FGGY: variants seen among roughly 807,000 people sequenced by gnomAD.
The protein encoded by FGGY is FGGY carbohydrate kinase domain containing.
Under a neutral mutation model 71.3 loss-of-function variants are expected in FGGY, and 72 were observed. The observed-to-expected ratio is 1.01, with a 90% CI of 0.84 to 1.23. The LOEUF (loss-of-function observed/expected upper bound fraction) is 1.23. FGGY is among the 50% of genes most tolerant of loss of function. The pLI, the probability that FGGY is intolerant of heterozygous loss-of-function variation, is 0.00. For missense variants in FGGY, 668 were observed against 682.3 expected (o/e 0.98, Z 0.23); for synonymous variants, 251 against 250.3 (o/e 1.00, Z -0.02).
chr1:59,511,145 A>C (rs2153629450), intron 6 of FGGY, among the ~76,000 whole-genome samples: 1 of 152,238 alleles, frequency 6.6e-6, no homozygotes, highest in South Asian at 2.1e-4. Context: ...TGTAGATAGA[A>C]GCTCTTAAAA....
At chr1:59,685,863 T>C (rs1016373891) in intron 14 of FGGY, among the ~76,000 whole-genome samples, 4 of 152,150 alleles carry the variant, frequency 2.6e-5, no homozygotes, top group Non-Finnish European at 5.9e-5. Flanking sequence ...AGCAATCCCC[T>C]AGGGGGTTAC....
chr1:59,704,116 C>T (rs1419792535), intron 14 of FGGY, among the ~76,000 whole-genome samples: 2 of 152,114 alleles, frequency 1.3e-5, no homozygotes, highest in Non-Finnish European at 1.5e-5. Context: ...TATGTGCGCA[C>T]ATGTTCAGAT....
chr1:59,698,901 G>A, intron 14 of FGGY: 2 of 985,364 alleles, frequency 2.0e-6, no homozygotes, highest in Non-Finnish European at 1.2e-6. Flanking sequence ...GTTTTATGTG[G>A]CACTGATTCC....
chr1:59,591,312 A>G (rs965928706), intron 8 of FGGY, among the ~76,000 whole-genome samples: 4 of 152,214 alleles, frequency 2.6e-5, no homozygotes, highest in African/African-American at 7.2e-5. Flanking sequence ...ATGGAAGAAC[A>G]TTCCATGCTC....
chr1:59,687,364 C>A (rs2097551872), intron 14 of FGGY, among the ~76,000 whole-genome samples: 1 of 152,208 alleles, frequency 6.6e-6, no homozygotes, highest in Non-Finnish European at 1.5e-5. Flanking sequence ...CTCCTGTCAT[C>A]CCTTGATTCC....
chr1:59,638,739 C>T (rs1217084809), intron 11 of FGGY, among the ~76,000 whole-genome samples: 1 of 152,200 alleles, frequency 6.6e-6, no homozygotes, highest in East Asian at 1.9e-4. Context: ...ATATTACCAC[C>T]CATGGTCTTG....
chr1:59,526,684 G>A (rs561880863), intron 7 of FGGY, among the ~76,000 whole-genome samples: 1 of 152,314 alleles, frequency 6.6e-6, no homozygotes, highest in South Asian at 2.1e-4. Context: ...GCTCAGGGAC[G>A]TTAAAATGCC....
At chr1:59,369,284 G>C (rs571639017) in intron 4 of FGGY, among the ~76,000 whole-genome samples, 2 of 151,640 alleles carry the variant, frequency 1.3e-5, no homozygotes, top group South Asian at 2.1e-4. Context: ...TCGGAGGGTC[G>C]TACGCCCACG....
intron 3 of FGGY, among the ~76,000 whole-genome samples, chr1:59,345,747 T>G (rs766720310): frequency 6.6e-6 from 1 of 152,038 alleles, no homozygotes; most frequent in Non-Finnish European, 1.5e-5. Context: ...TAAACTAATT[T>G]TAATTAAAGT....
chr1:59,450,709 AT>A lies in FGGY; in HGVS notation c.555-6249del, dbSNP rs1175487514. ...AATTTTAGAAGCTCTTGTTTCATAT[AT>A]TTCATACTACATTGTTTGGTTCATA... is the stretch of plus-strand genomic sequence containing the variant. On this transcript the variant is annotated intron_variant, in intron 5 of 15. Coordinates refer to ENST00000303721, the MANE Select transcript of FGGY (RefSeq NM_018291.5). Among the ~76,000 whole-genome samples, 14 of 152,182 alleles carry A rather than the reference AT, an allele frequency of 9.2e-5. No individual in the cohort carries two copies. In the East Asian group the frequency reaches 2.3e-3, roughly 25 times the overall value.
intron 6 of FGGY, among the ~76,000 whole-genome samples, chr1:59,487,610 G>C (rs2093693704): frequency 1.3e-5 from 2 of 152,154 alleles, no homozygotes; most frequent in Admixed American, 1.3e-4. Flanking sequence ...AGTTGCTGAG[G>C]CACTCAGTTA....
At chr1:59,321,904 A>G (rs1281462128) in intron 2 of FGGY, among the ~76,000 whole-genome samples, 154 bp downstream of exon 2, 1 of 152,252 alleles carries the variant, frequency 6.6e-6, no homozygotes, top group Non-Finnish European at 1.5e-5. Context: ...GTCTACTGGC[A>G]GAGACTGATA....
intron 6 of FGGY, among the ~76,000 whole-genome samples, chr1:59,499,657 T>C (rs1181828071): frequency 6.6e-6 from 1 of 152,198 alleles, no homozygotes; most frequent in Non-Finnish European, 1.5e-5. Context: ...AACATAGTCG[T>C]ATTCCATTTC....
chr1:59,537,795 T>A (rs2095357756), intron 7 of FGGY, among the ~76,000 whole-genome samples: 4 of 152,164 alleles, frequency 2.6e-5, no homozygotes, highest in African/African-American at 9.7e-5. Context: ...GCTAGCCATA[T>A]GGAGAAAGCT....
chr1:59,627,909 C>T (rs942057567), intron 10 of FGGY, among the ~76,000 whole-genome samples: 12 of 151,984 alleles, frequency 7.9e-5, no homozygotes, highest in Admixed American at 6.6e-4. Flanking sequence ...AGGAAATAAA[C>T]GAGGACGAAA....
chr1:59,476,318 A>G (rs370670509), intron 6 of FGGY, among the ~76,000 whole-genome samples: 1 of 152,246 alleles, frequency 6.6e-6, no homozygotes, highest in Non-Finnish European at 1.5e-5. Flanking sequence ...TAACTCGTTT[A>G]ATGCCTTTAA....
chr1:59,410,452 T>G (rs997193602), intron 5 of FGGY, among the ~76,000 whole-genome samples: 4 of 152,188 alleles, frequency 2.6e-5, no homozygotes, highest in Admixed American at 1.3e-4. Context: ...GATTTGAACC[T>G]AAGACCTCTT....
At chr1:59,409,630 A>T (rs780693829) in intron 5 of FGGY, among the ~76,000 whole-genome samples, 1 of 150,648 alleles carries the variant, frequency 6.6e-6, no homozygotes, top group Non-Finnish European at 1.5e-5. Context: ...ATATAAACAG[A>T]CAAGGCAACT....
chr1:59,540,238 A>G (rs2095418930), intron 7 of FGGY, among the ~76,000 whole-genome samples: 1 of 152,234 alleles, frequency 6.6e-6, no homozygotes, highest in Non-Finnish European at 1.5e-5. Context: ...TCCTATTCTT[A>G]GACATATATC....
Sources: gnomAD v4.1 joint callset for allele counts (sites outside exome capture counted in the v4.1 genomes callset) on GRCh38, gnomAD v4.1.1 for gene constraint, MANE v1.5 for transcripts, NCBI Gene and HGNC (gene_info 2026-07-23, HGNC 2026-07-21) for gene names.